The following TNR variants were observed in gnomAD, a reference collection of about 807,000 sequenced individuals.
TNR encodes tenascin-R.
TNR carries 45 observed loss-of-function variants against 150.4 expected under a neutral mutation model. The ratio of observed to expected loss-of-function variants is 0.30; its 90% confidence interval spans 0.24 to 0.38. The LOEUF (loss-of-function observed/expected upper bound fraction) is 0.38, where lower values mean the gene tolerates loss of function less well. TNR is among the 10% of genes least tolerant of loss of function. The pLI is 1.00. For missense variants in TNR, 1,544 were observed against 1,759.1 expected (o/e 0.88, Z 2.19); for synonymous variants, 687 against 678.4 (o/e 1.01, Z -0.20).
At chr1:175,585,134 A>T (rs572585957) in intron 1 of TNR, among the ~76,000 whole-genome samples, 46 of 152,362 alleles carry the variant, frequency 3.0e-4, no homozygotes, top group African/African-American at 1.1e-3. Flanking sequence ...AAAACTGATG[A>T]TGTGATCTGG....
intron 1 of TNR, among the ~76,000 whole-genome samples, chr1:175,682,187 C>T (rs1571747218): frequency 6.6e-6 from 1 of 152,120 alleles, no homozygotes; most frequent in Admixed American, 6.5e-5. Flanking sequence ...AACATAAGGA[C>T]CCTCTGAAAA....
intron 1 of TNR, among the ~76,000 whole-genome samples, chr1:175,651,083 C>CT (rs1311355046): frequency 6.5e-5 from 3 of 46,396 alleles, no homozygotes; most frequent in Non-Finnish European, 9.1e-5. Context: ...CTCATTACTC[C>CT]CCCCCACCTC....
At chr1:175,367,407 C>T (rs1339793292) in intron 9 of TNR, 110 bp from the exon 10 acceptor site, 18 of 847,978 alleles carry the variant, frequency 2.1e-5, no homozygotes, top group Non-Finnish European at 2.7e-5. Flanking sequence ...TGTGTTTAGT[C>T]CTCCTTGAAT....
chr1:175,331,107 CTCTT>C lies in TNR; in HGVS notation c.3632-876_3632-873del, dbSNP rs1434477768. Among the ~76,000 whole-genome samples the C allele has an allele frequency of 2.0e-3, 95 of 46,648 alleles. 1 individual carries two copies. The highest frequency in any genetic ancestry group is 3.1e-3 in the Non-Finnish European group (71 of 22,778). The allele number at this position is 46,648 out of a possible 152,430, so 30.6% of individuals were successfully genotyped here. On this transcript the variant is annotated intron_variant, in intron 20 of 22. Transcript: ENST00000367674. ...TTTCTTTCTTTCTTTCTTTCTCTCT[CTCTT>C]TCTTTTCTTTCTTTCTTTCTTTTCT...
At position 175,322,786 on chromosome 1, in the gene TNR, A is replaced by C. The variant is rs1465305067; in HGVS notation, c.*571T>G. ...AAGAGTGAGATACTGTCAAGAAAGAAAGGAGGGAAGGAGGGAAGGCAGGAA... is the reference window on the plus strand; with the variant it reads ...AAGAGTGAGATACTGTCAAGAAAGACAGGAGGGAAGGAGGGAAGGCAGGAA... On this transcript the variant is annotated 3_prime_UTR_variant, in exon 23 of 23. Transcript: ENST00000367674. 6.6e-6 allele frequency: 1 copy of C among 152,140 alleles called. No individual in the cohort carries two copies. Among genetic ancestry groups the C allele is most frequent in the Non-Finnish European group, 1.5e-5 (1 of 68,170 alleles). The allele number at this position is 152,140 out of a possible 1,614,324, so 9.4% of individuals were successfully genotyped here. A position where few individuals can be genotyped will look rare whatever the true frequency, so the allele number is the denominator to read the frequency against.
intron 1 of TNR, among the ~76,000 whole-genome samples, chr1:175,695,741 T>C (rs1469548363): frequency 6.6e-6 from 1 of 152,208 alleles, no homozygotes; most frequent in East Asian, 1.9e-4. Flanking sequence ...ATTCCAGTAA[T>C]ATGTTTTATT....
Position 175,443,738 on chromosome 1 carries a change from A to G in TNR, c.-63-36961T>C, listed in dbSNP as rs148218496. On this transcript the variant is annotated intron_variant, in intron 2 of 22. Transcript: ENST00000367674. ...AAAGAGGAGGGAGGGTCCATGAGAA[A>G]AGAAGATGATGAGTTAGTAAGGAAG... Among the ~76,000 whole-genome samples, 10 of 152,264 alleles carry G rather than the reference A, an allele frequency of 6.6e-5. No homozygotes were observed. In the East Asian group the frequency reaches 1.9e-3, roughly 29 times the overall value.
intron 1 of TNR, among the ~76,000 whole-genome samples, chr1:175,546,115 G>A (rs146623321): frequency 9.9e-5 from 15 of 152,208 alleles, no homozygotes; most frequent in Middle Eastern, 6.8e-3. Flanking sequence ...ATGAAGAGGC[G>A]AAAAATTAGA....
chr1:175,335,006 G>T (rs1253528859), intron 20 of TNR, among the ~76,000 whole-genome samples: 2 of 152,148 alleles, frequency 1.3e-5, no homozygotes, highest in Admixed American at 6.5e-5. Flanking sequence ...TGAGATAGTG[G>T]CAGGGAAGAC....
intron 2 of TNR, among the ~76,000 whole-genome samples, chr1:175,434,682 C>T (rs184617991): frequency 3.6e-4 from 55 of 152,294 alleles, no homozygotes; most frequent in Non-Finnish European, 3.4e-4. Context: ...CCACTCCTGG[C>T]CCCTTGATTT....
chr1:175,589,846 A>T (rs148071920), intron 1 of TNR, among the ~76,000 whole-genome samples: 8 of 150,320 alleles, frequency 5.3e-5, no homozygotes, highest in Non-Finnish European at 3.0e-5. Context: ...GGGGCCTGTC[A>T]GGGGGTTGGG....
intron 2 of TNR, among the ~76,000 whole-genome samples, chr1:175,452,230 T>C (rs2102094577): frequency 6.6e-6 from 1 of 152,306 alleles, no homozygotes; most frequent in African/African-American, 2.4e-5. Flanking sequence ...CCCACAAGCA[T>C]TGGGAATGCC....
At chr1:175,328,697 GCA>G (rs1162270410) in intron 21 of TNR, among the ~76,000 whole-genome samples, 2 of 152,128 alleles carry the variant, frequency 1.3e-5, no homozygotes, top group Non-Finnish European at 2.9e-5. Context: ...TGAGAATAGC[GCA>G]CAGTCCAACT....
intron 1 of TNR, among the ~76,000 whole-genome samples, chr1:175,723,272 C>T (rs1039672375): frequency 1.3e-5 from 2 of 152,196 alleles, no homozygotes; most frequent in South Asian, 2.1e-4. Context: ...ACATATTCCT[C>T]ATACACAGTG....
chr1:175,739,436 A>G (rs1480662964), intron 1 of TNR, among the ~76,000 whole-genome samples: 1 of 152,176 alleles, frequency 6.6e-6, no homozygotes, highest in East Asian at 1.9e-4. Context: ...TGGACAGGCA[A>G]GGTGTCCAAA....
At chr1:175,735,099 C>T (rs913116659) in intron 1 of TNR, among the ~76,000 whole-genome samples, 4 of 152,206 alleles carry the variant, frequency 2.6e-5, no homozygotes, top group East Asian at 1.9e-4. Context: ...AGGAGACAGT[C>T]CCTTTATAGG....
chr1:175,422,035 T>G (rs1654773679), intron 2 of TNR, among the ~76,000 whole-genome samples: 1 of 152,198 alleles, frequency 6.6e-6, no homozygotes, highest in Non-Finnish European at 1.5e-5. Flanking sequence ...ATGCAGCAAT[T>G]GAAGAAATTG....
chr1:175,403,579 G>T lies in TNR; in HGVS notation c.537C>A (p.Gly179=), dbSNP rs1653820012. The T allele has an allele frequency of 6.2e-7, 1 of 1,613,926 alleles. No individual in the cohort carries two copies. Among genetic ancestry groups the T allele is most frequent in the Non-Finnish European group, 8.5e-7 (1 of 1,180,018 alleles). Residue 179 remains glycine, a synonymous_variant, in exon 4 of 23, where the codon GGC becomes GGA. Coordinates refer to ENST00000367674, the MANE Select transcript of TNR (RefSeq NM_003285.3). ...AGCCACAGGACTCAAAGCTAAAGTT[G>T]CCGTGGCCACTGCAGTGAGGGATAT... ...LDYIPHCSGH[G]NFSFESCGCI... is the part of the protein sequence containing the mutation.
Position 175,599,266 on chromosome 1 carries a change from C to A in TNR, c.-164-70897G>T, listed in dbSNP as rs561783952. On this transcript the variant is annotated intron_variant, in intron 1 of 22. Transcript: ENST00000367674. This position sits in a 1 kb window ranked among gnomAD's most constrained non-coding sequence, Gnocchi z 4.7. ...CGGGTCACCGCTCCTCCCTTTCAGGCGCCCGGGTTTGCCCACCGCGAAGAG... is the reference window on the plus strand; with the variant it reads ...CGGGTCACCGCTCCTCCCTTTCAGGAGCCCGGGTTTGCCCACCGCGAAGAG... 6.6e-6 allele frequency among the ~76,000 whole-genome samples: 1 copy of A among 152,286 alleles called. No homozygotes were observed. The highest frequency in any genetic ancestry group is 6.5e-5 in the Admixed American group (1 of 15,310).
Sources: allele counts gnomAD v4.1 joint callset (sites outside exome capture counted in the v4.1 genomes callset), GRCh38; gene constraint gnomAD v4.1.1; non-coding constraint Gnocchi (gnomAD v3.1); transcripts MANE v1.5; gene names NCBI Gene and HGNC (gene_info 2026-07-23, HGNC 2026-07-21).